The following ERBB4 variants were observed in gnomAD, a reference collection of about 807,000 sequenced individuals.
The protein encoded by ERBB4 is erb-b2 receptor tyrosine kinase 4, also known as receptor tyrosine-protein kinase erbB-4.
ERBB4 carries 42 observed loss-of-function variants against 158.0 expected under a neutral mutation model. The observed-to-expected ratio is 0.27, with a 90% CI of 0.21 to 0.34. The LOEUF (loss-of-function observed/expected upper bound fraction) is 0.34. Among genes scored for constraint, ERBB4 ranks in the 10% least tolerant of loss-of-function variants. The pLI is 1.00. For missense variants in ERBB4, 1,333 were observed against 1,624.1 expected (o/e 0.82, Z 3.08); for synonymous variants, 583 against 558.7 (o/e 1.04, Z -0.61).
intron 1 of ERBB4, among the ~76,000 whole-genome samples, chr2:212,288,935 G>A (rs74798371): frequency 0.013 from 2,036 of 152,140 alleles, 47 homozygotes; most frequent in African/African-American, 0.046. Flanking sequence ...AGAAAGGGAG[G>A]AAAGAGAAAG....
At chr2:211,780,853 T>C (rs1029401140) in intron 4 of ERBB4, among the ~76,000 whole-genome samples, 1 of 152,238 alleles carries the variant, frequency 6.6e-6, no homozygotes, top group Non-Finnish European at 1.5e-5. Flanking sequence ...TCATACAGAT[T>C]CAATGTATCC....
intron 2 of ERBB4, among the ~76,000 whole-genome samples, chr2:212,044,455 C>G (rs773076440): frequency 6.6e-6 from 1 of 152,106 alleles, no homozygotes; most frequent in Non-Finnish European, 1.5e-5. Flanking sequence ...AACCCTCCCC[C>G]TTTTGAAACA....
intron 20 of ERBB4, among the ~76,000 whole-genome samples, chr2:211,440,971 G>A (rs1027864083): frequency 6.6e-5 from 10 of 152,222 alleles, no homozygotes; most frequent in East Asian, 1.9e-4. Context: ...TGTAAAACTC[G>A]CAAAAGTGGC....
rs144393220 is a variant in ERBB4, at chr2:211,432,227, C to G, written c.2488-1127G>C. Among the ~76,000 whole-genome samples, 532 of 152,238 alleles carry G rather than the reference C, an allele frequency of 3.5e-3. 1 individual carries two copies. Among genetic ancestry groups the G allele is most frequent in the Non-Finnish European group, 4.8e-3 (326 of 68,014 alleles). On this transcript the variant is annotated intron_variant, in intron 20 of 27. Coordinates refer to ENST00000342788, the MANE Select transcript of ERBB4 (RefSeq NM_005235.3). ...GGCAGTTAACATTACAACTGCAGGA[C>G]TTTGAAGGATTAATGGTTTCTAATA...
intron 3 of ERBB4, among the ~76,000 whole-genome samples, chr2:211,936,712 A>C (rs1411689582): frequency 6.6e-6 from 1 of 152,120 alleles, no homozygotes; most frequent in Non-Finnish European, 1.5e-5. Flanking sequence ...AAAAACTCCC[A>C]AAATAAGTAT....
At chr2:212,519,631 T>C (rs907696388) in intron 1 of ERBB4, among the ~76,000 whole-genome samples, 1 of 151,884 alleles carries the variant, frequency 6.6e-6, no homozygotes, top group African/African-American at 2.4e-5. Flanking sequence ...ATTGTTTCAT[T>C]TGGGGCAACC....
chr2:211,526,644 G>T (rs1030179281), intron 20 of ERBB4, among the ~76,000 whole-genome samples: 2 of 152,130 alleles, frequency 1.3e-5, no homozygotes, highest in African/African-American at 2.4e-5. Flanking sequence ...TGATATTTCA[G>T]AGAGAGAATT....
intron 2 of ERBB4, among the ~76,000 whole-genome samples, chr2:212,003,174 AAAGAAAG>A (rs1444228380): frequency 0.022 from 991 of 44,564 alleles, 55 homozygotes; most frequent in Non-Finnish European, 0.046. Context: ...AGAAAGAAAG[AAAGAAAG>A]AAAGAAAGAA....
chr2:212,532,741 C>T (rs755580567), intron 1 of ERBB4, among the ~76,000 whole-genome samples: 2 of 152,226 alleles, frequency 1.3e-5, no homozygotes, highest in Non-Finnish European at 2.9e-5. Context: ...GTACTACCCA[C>T]AGCTAAGGCA....
intron 1 of ERBB4, among the ~76,000 whole-genome samples, chr2:212,268,928 A>G (rs544088676): frequency 4.6e-5 from 7 of 152,008 alleles, no homozygotes; most frequent in South Asian, 4.1e-4. Context: ...GTAGTACTCA[A>G]AATAATTCCA....
intron 9 of ERBB4, among the ~76,000 whole-genome samples, chr2:211,711,028 A>G (rs895583506): frequency 2.2e-4 from 23 of 102,940 alleles, no homozygotes; most frequent in Non-Finnish European, 4.1e-4. Context: ...AAAGGCAAGT[A>G]AAAAAAAAAA....
At chr2:212,066,449 G>C (rs2077950033) in intron 2 of ERBB4, among the ~76,000 whole-genome samples, 1 of 151,922 alleles carries the variant, frequency 6.6e-6, no homozygotes, top group Non-Finnish European at 1.5e-5. Context: ...GGCTAATTAG[G>C]CTTATCCGAT....
At chr2:212,038,581 G>A (rs12997702) in intron 2 of ERBB4, among the ~76,000 whole-genome samples, 1 of 152,032 alleles carries the variant, frequency 6.6e-6, no homozygotes, top group Admixed American at 6.6e-5. Flanking sequence ...AAACAATTGA[G>A]TTACTCGTTG....
intron 1 of ERBB4, among the ~76,000 whole-genome samples, chr2:212,180,070 G>A (rs540494826): frequency 6.6e-6 from 1 of 151,768 alleles, no homozygotes; most frequent in Admixed American, 6.6e-5. Context: ...AGATCCTTTT[G>A]AAAGAGAATT....
At position 211,420,557 on chromosome 2, in the gene ERBB4, G is replaced by A; in HGVS notation, c.3019C>T (p.Leu1007Phe). 6.2e-7 allele frequency: 1 copy of A among 1,612,932 alleles called. No individual in the cohort carries two copies. The highest frequency in any genetic ancestry group is 8.5e-7 in the Non-Finnish European group (1 of 1,179,204). Reference sequence around the variant, plus strand: ...TCTTCCAAATCCTCTTCATCCAAGAGATTCTGAAAGAACTTGCTGTCATTT... The same window carrying A: ...TCTTCCAAATCCTCTTCATCCAAGAAATTCTGAAAGAACTTGCTGTCATTT... ...SPNDSKFFQNLLDEEDLEDMM... is the reference protein window; with the variant it reads ...SPNDSKFFQNFLDEEDLEDMM... The change falls in exon 25 of 28, where the codon CTC (leucine) becomes TTC (phenylalanine). Residue 1007 changes from leucine to phenylalanine, a missense_variant. Transcript: ENST00000342788.
intron 1 of ERBB4, among the ~76,000 whole-genome samples, chr2:212,455,445 C>CCAT (rs1688241245): frequency 6.6e-6 from 1 of 151,694 alleles, no homozygotes; most frequent in Non-Finnish European, 1.5e-5. Context: ...ATTCTCTCTG[C>CCAT]ATTGTCCAAT....
chr2:212,391,715 CAT>C (rs202048949), intron 1 of ERBB4, among the ~76,000 whole-genome samples: 10,680 of 131,024 alleles, frequency 0.082, 624 homozygotes, highest in African/African-American at 0.19. Context: ...TATATATTGA[CAT>C]ATATATTATA....
chr2:211,718,672 T>C (rs938875023), intron 7 of ERBB4, among the ~76,000 whole-genome samples: 2 of 152,114 alleles, frequency 1.3e-5, no homozygotes, highest in Admixed American at 6.5e-5. Context: ...TAAATTTATA[T>C]ACTACTGATG....
At chr2:212,129,616 C>A (rs2080048481) in intron 1 of ERBB4, among the ~76,000 whole-genome samples, 1 of 151,822 alleles carries the variant, frequency 6.6e-6, no homozygotes, top group African/African-American at 2.4e-5. Flanking sequence ...AACTCGTACT[C>A]AGAAAATGGC....
Sources: allele counts gnomAD v4.1 joint callset (sites outside exome capture counted in the v4.1 genomes callset), GRCh38; gene constraint gnomAD v4.1.1; transcripts MANE v1.5; gene names NCBI Gene and HGNC (gene_info 2026-07-23, HGNC 2026-07-21).